Variants in GALNTL6 observed in about 807,000 individuals in gnomAD.
GALNTL6 encodes the protein polypeptide N-acetylgalactosaminyltransferase-like 6.
GALNTL6 carries 46 observed loss-of-function variants against 73.7 expected under a neutral mutation model. The observed-to-expected ratio is 0.62, with a 90% CI of 0.49 to 0.80. The LOEUF is 0.80. Among genes scored for constraint, GALNTL6 ranks in the 30% least tolerant of loss-of-function variants. The probability of loss-of-function intolerance (pLI) is 0.00; values close to 1 mark genes in which losing one functional copy is unlikely to be tolerated. For missense variants in GALNTL6, 604 were observed against 755.0 expected (o/e 0.80, Z 2.34); for synonymous variants, 259 against 263.7 (o/e 0.98, Z 0.17).
chr4:171,885,528 A>C (rs112788878), intron 2 of GALNTL6, among the ~76,000 whole-genome samples: 1 of 152,180 alleles, frequency 6.6e-6, no homozygotes, highest in East Asian at 1.9e-4. Context: ...ATTATAGGCT[A>C]GGCATGGTGG....
At chr4:172,238,396 C>G (rs530662354) in intron 3 of GALNTL6, among the ~76,000 whole-genome samples, 1 of 152,210 alleles carries the variant, frequency 6.6e-6, no homozygotes, top group Non-Finnish European at 1.5e-5. Flanking sequence ...ATTTGCCTCT[C>G]AGCTTGGATG....
At position 172,877,192 on chromosome 4, in the gene GALNTL6, A is replaced by G. The variant is rs1323129768; in HGVS notation, c.924-5598A>G. Among the ~76,000 whole-genome samples, 3 of 152,154 alleles carry G rather than the reference A, an allele frequency of 2.0e-5. No homozygotes were observed. In the South Asian group the frequency reaches 6.2e-4, roughly 32 times the overall value. On this transcript the variant is annotated intron_variant, in intron 7 of 12. Transcript: ENST00000506823. ...TTATGTATGTTTATCTTTAAATATGATGTCTTTTTTATTATTCTGACCCCC... is the reference window on the plus strand; with the variant it reads ...TTATGTATGTTTATCTTTAAATATGGTGTCTTTTTTATTATTCTGACCCCC...
At chr4:172,169,754 C>T (rs9995021) in intron 2 of GALNTL6, among the ~76,000 whole-genome samples, 53,894 of 151,976 alleles carry the variant, frequency 0.35, 9,732 homozygotes, top group Middle Eastern at 0.38. Context: ...GAGAAATGTC[C>T]ATTAATTTAG....
intron 5 of GALNTL6, among the ~76,000 whole-genome samples, chr4:172,637,585 G>A (rs952562384): frequency 2.0e-5 from 3 of 152,092 alleles, no homozygotes; most frequent in Admixed American, 2.0e-4. Flanking sequence ...ATTTTCCCAA[G>A]TATTCAATAA....
rs559534115 is a variant in GALNTL6, at chr4:171,818,397, A to G, written c.138+3679A>G. 2.0e-4 allele frequency among the ~76,000 whole-genome samples: 30 copies of G among 152,012 alleles called. 1 individual carries two copies. In the Middle Eastern group the frequency reaches 0.01, roughly 53 times the overall value. On this transcript the variant is annotated intron_variant, in intron 2 of 12. Coordinates refer to ENST00000506823, the MANE Select transcript of GALNTL6 (RefSeq NM_001034845.3). ...AAAAAAGTAACTGTAATAGTAGTTT[A>G]GCAAGTAACTTGGAAATAATATTAA...
At chr4:172,035,117 T>A (rs556937942) in intron 2 of GALNTL6, among the ~76,000 whole-genome samples, 2 of 152,188 alleles carry the variant, frequency 1.3e-5, no homozygotes, top group East Asian at 3.9e-4. Flanking sequence ...CTGTCCTTTT[T>A]TAGAACAAGT....
chr4:172,565,885 G>C (rs986063372), intron 5 of GALNTL6, among the ~76,000 whole-genome samples: 1 of 152,142 alleles, frequency 6.6e-6, no homozygotes. Flanking sequence ...CAAGAGTGAT[G>C]ATACTTATAT....
At chr4:172,257,478 C>A (rs1324554054) in intron 3 of GALNTL6, among the ~76,000 whole-genome samples, 1 of 151,344 alleles carries the variant, frequency 6.6e-6, no homozygotes, top group African/African-American at 2.4e-5. Context: ...AGCAATTTAA[C>A]TGTGGCAGGA....
Position 172,996,552 on chromosome 4 carries a change from T to A in GALNTL6, c.1372-12626T>A, listed in dbSNP as rs115507361. The stretch of plus-strand genomic sequence containing the variant: ...CCTGAACCTAAAATAAAGTTAAAAC[T>A]TTTTTTAACTTAAAAGAAGAATTAA... On this transcript the variant is annotated intron_variant, in intron 10 of 12. Transcript: ENST00000506823. Among the ~76,000 whole-genome samples, 376 of 152,256 alleles carry A rather than the reference T, an allele frequency of 2.5e-3. 3 individuals are homozygous for A. Among genetic ancestry groups the A allele is most frequent in the African/African-American group, 8.4e-3 (350 of 41,536 alleles).
At chr4:172,020,509 A>G (rs1407994826) in intron 2 of GALNTL6, among the ~76,000 whole-genome samples, 1 of 152,016 alleles carries the variant, frequency 6.6e-6, no homozygotes, top group Non-Finnish European at 1.5e-5. Flanking sequence ...AATTCAAAGG[A>G]TCATTAGTGG....
At chr4:172,177,146 A>G (rs1735027609) in intron 2 of GALNTL6, among the ~76,000 whole-genome samples, 1 of 152,216 alleles carries the variant, frequency 6.6e-6, no homozygotes, top group South Asian at 2.1e-4. Context: ...GAGAATTAGT[A>G]AAAATGAAAA....
intron 2 of GALNTL6, among the ~76,000 whole-genome samples, chr4:172,030,789 G>A (rs750965754): frequency 8.6e-5 from 13 of 151,118 alleles, no homozygotes; most frequent in Non-Finnish European, 1.6e-4. Context: ...GCATATTACC[G>A]TATTTCACAC....
chr4:172,014,216 C>A (rs762933649), intron 2 of GALNTL6, among the ~76,000 whole-genome samples: 73 of 151,918 alleles, frequency 4.8e-4, no homozygotes, highest in Non-Finnish European at 7.1e-4. Flanking sequence ...TACTGATTTC[C>A]TTTCTTTTGG....
At chr4:172,843,118 C>T (rs1298302750) in intron 7 of GALNTL6, among the ~76,000 whole-genome samples, 1 of 152,144 alleles carries the variant, frequency 6.6e-6, no homozygotes, top group Non-Finnish European at 1.5e-5. Context: ...GCTGACACCC[C>T]TCTCCTCCAC....
At chr4:172,175,512 G>T (rs1734961595) in intron 2 of GALNTL6, among the ~76,000 whole-genome samples, 1 of 152,124 alleles carries the variant, frequency 6.6e-6, no homozygotes, top group Non-Finnish European at 1.5e-5. Flanking sequence ...CAAATGATGA[G>T]TCAAAATTTT....
At chr4:171,824,671 C>G (rs1734776867) in intron 2 of GALNTL6, among the ~76,000 whole-genome samples, 1 of 152,142 alleles carries the variant, frequency 6.6e-6, no homozygotes, top group Admixed American at 6.5e-5. Flanking sequence ...CATGTTCCCA[C>G]ACACTTTCTT....
At chr4:172,390,212 A>G (rs1743612221) in intron 5 of GALNTL6, among the ~76,000 whole-genome samples, 1 of 152,168 alleles carries the variant, frequency 6.6e-6, no homozygotes, top group South Asian at 2.1e-4. Flanking sequence ...TATTTTTCAA[A>G]CGTTGTAATC....
intron 2 of GALNTL6, among the ~76,000 whole-genome samples, chr4:172,225,628 G>T (rs896010444): frequency 1.6e-4 from 25 of 151,982 alleles, no homozygotes; most frequent in Non-Finnish European, 7.4e-5. Flanking sequence ...GATGGCTCAC[G>T]CCTGTAGTCC....
intron 5 of GALNTL6, among the ~76,000 whole-genome samples, chr4:172,682,464 A>G (rs1011564512): frequency 3.3e-5 from 5 of 152,192 alleles, no homozygotes; most frequent in Admixed American, 2.0e-4. Flanking sequence ...AAAAATAGTA[A>G]TGTGTCTGTA....
Sources: gnomAD v4.1 joint callset for allele counts (sites outside exome capture counted in the v4.1 genomes callset) on GRCh38, gnomAD v4.1.1 for gene constraint, MANE v1.5 for transcripts, NCBI Gene and HGNC (gene_info 2026-07-23, HGNC 2026-07-21) for gene names.